PSTPIP2: variants seen among roughly 807,000 people sequenced by gnomAD.
The protein encoded by PSTPIP2 is proline-serine-threonine phosphatase-interacting protein 2.
A neutral mutation model predicts 63.3 loss-of-function variants in PSTPIP2; 33 were observed. The observed-to-expected ratio is 0.52, with a 90% CI of 0.40 to 0.70. PSTPIP2 has a LOEUF of 0.70. Among genes scored for constraint, PSTPIP2 ranks in the 30% least tolerant of loss-of-function variants. The pLI, the probability that PSTPIP2 is intolerant of heterozygous loss-of-function variation, is 0.00. For synonymous variants in PSTPIP2, 125 were observed against 132.7 expected, an observed-to-expected ratio of 0.94 and a Z score of 0.40; for missense variants, 312 against 400.7, an observed-to-expected ratio of 0.78 and a Z score of 1.89.
At chr18:46,028,470 T>C in intron 2 of PSTPIP2, 1 of 606,352 alleles carries the variant, frequency 1.6e-6, no homozygotes, top group Non-Finnish European at 3.2e-6. Context: ...GGCCGTGGAG[T>C]GGTGCCTGGA....
chr18:45,991,512 C>T (rs780698218), intron 12 of PSTPIP2, among the ~76,000 whole-genome samples: 20 of 152,160 alleles, frequency 1.3e-4, no homozygotes, highest in Non-Finnish European at 2.5e-4. Context: ...TGTCACAAAA[C>T]AGTATTGTCT....
At chr18:46,024,544 T>A in intron 3 of PSTPIP2, 65 bp downstream of exon 3, 1 of 1,399,934 alleles carries the variant, frequency 7.1e-7, no homozygotes, top group South Asian at 1.2e-5. Flanking sequence ...CTCTGTCTGC[T>A]GAAGCGAGGG....
At chr18:46,065,438 C>A (rs1371801074) in intron 1 of PSTPIP2, among the ~76,000 whole-genome samples, 1 of 151,758 alleles carries the variant, frequency 6.6e-6, no homozygotes, top group Non-Finnish European at 1.5e-5. Context: ...TACAAGTGCC[C>A]ACCACCATGC....
intron 9 of PSTPIP2, among the ~76,000 whole-genome samples, 176 bp downstream of exon 9, chr18:45,997,573 G>A (rs1196864993): frequency 6.7e-6 from 1 of 150,162 alleles, no homozygotes; most frequent in African/African-American, 2.5e-5. Context: ...GACTCTCCAG[G>A]TTCTGGGCAG....
intron 2 of PSTPIP2, 41 bp downstream of exon 2, chr18:46,039,906 C>T (rs1321842058): frequency 1.3e-6 from 2 of 1,532,108 alleles, no homozygotes; most frequent in South Asian, 2.2e-5. Flanking sequence ...GTGGAGACAT[C>T]TTGGCCCACC....
chr18:46,064,908 G>C (rs1188656212), intron 1 of PSTPIP2, among the ~76,000 whole-genome samples: 3 of 151,918 alleles, frequency 2.0e-5, no homozygotes, highest in Non-Finnish European at 4.4e-5. Flanking sequence ...ACTTTGGGAG[G>C]CTGAGACAGG....
intron 1 of PSTPIP2, among the ~76,000 whole-genome samples, chr18:46,052,209 T>C (rs957165812): frequency 6.6e-6 from 1 of 152,248 alleles, no homozygotes; most frequent in Admixed American, 6.5e-5. Context: ...GAACTTGAAC[T>C]AGGTCAAACC....
At chr18:46,015,559 G>A (rs189349297) in intron 4 of PSTPIP2, among the ~76,000 whole-genome samples, 13 of 152,256 alleles carry the variant, frequency 8.5e-5, no homozygotes, top group Admixed American at 3.9e-4. Flanking sequence ...TTGGGAACAC[G>A]AGAGACATGC....
chr18:46,017,436 GT>G (rs2051864261), intron 3 of PSTPIP2, among the ~76,000 whole-genome samples: 1 of 152,020 alleles, frequency 6.6e-6, no homozygotes, highest in African/African-American at 2.4e-5. Flanking sequence ...AAGATTAATG[GT>G]TCCCATCAAT....
Position 46,070,912 on chromosome 18 carries a change from C to A in PSTPIP2, c.33+1244G>T, listed in dbSNP as rs147434336. ...TTCCTTATTTCTGGGGCCCACATCT[C>A]ATTCTCCAGTTTGTATTATACAGAG... On this transcript the variant is annotated intron_variant, in intron 1 of 14. Transcript: ENST00000409746. Among the ~76,000 whole-genome samples the A allele has an allele frequency of 4.6e-5, 7 of 152,288 alleles. No individual in the cohort carries two copies. In the East Asian group the frequency reaches 1.4e-3, roughly 29 times the overall value.
At chr18:46,033,149 A>G (rs2144104400) in intron 2 of PSTPIP2, among the ~76,000 whole-genome samples, 1 of 152,362 alleles carries the variant, frequency 6.6e-6, no homozygotes, top group African/African-American at 2.4e-5. Context: ...CTGGCCAGTG[A>G]GGAAGCCAGG....
At chr18:45,997,951 C>T (rs1375135702) in intron 8 of PSTPIP2, 123 bp from the exon 9 acceptor site, 5 of 785,686 alleles carry the variant, frequency 6.4e-6, no homozygotes, top group Non-Finnish European at 1.1e-5. Flanking sequence ...TTACAAGGCC[C>T]CCAGGACTCT....
At chr18:46,048,935 A>G (rs1318820319) in intron 1 of PSTPIP2, among the ~76,000 whole-genome samples, 1 of 152,068 alleles carries the variant, frequency 6.6e-6, no homozygotes, top group Admixed American at 6.6e-5. Flanking sequence ...TTTAGAAAAT[A>G]CACATTGAAA....
chr18:46,024,772 C>G, intron 2 of PSTPIP2, 86 bp from the exon 3 acceptor site: 2 of 1,021,476 alleles, frequency 2.0e-6, no homozygotes, highest in Non-Finnish European at 3.1e-6. Flanking sequence ...GAAAGCAAAA[C>G]TGCACCTGTG....
At chr18:45,999,949 G>A (rs2051645272) in intron 6 of PSTPIP2, among the ~76,000 whole-genome samples, 1 of 152,138 alleles carries the variant, frequency 6.6e-6, no homozygotes, top group African/African-American at 2.4e-5. Flanking sequence ...ACAAGCCTGG[G>A]CAAAATGAAT....
intron 9 of PSTPIP2, among the ~76,000 whole-genome samples, chr18:45,995,612 G>C (rs546409504): frequency 1.3e-5 from 2 of 152,280 alleles, no homozygotes; most frequent in Admixed American, 1.3e-4. Context: ...ATTAGAAACT[G>C]CAAAGGCCCA....
In PSTPIP2 at chr18:46,038,492, T is replaced by C. The variant is rs528979712; in HGVS notation, c.134+1455A>G. Among the ~76,000 whole-genome samples, 3 of 152,224 alleles carry C rather than the reference T, an allele frequency of 2.0e-5. No homozygotes were observed. In the East Asian group the frequency reaches 5.8e-4, roughly 29 times the overall value. On this transcript the variant is annotated intron_variant, in intron 2 of 14. Transcript: ENST00000409746. ...GGAGGAAATTTATAGAAGCCATAAC[T>C]GGGGGAGGAACAGAAAAAAGCAGTC... is the stretch of plus-strand genomic sequence containing the variant.
At chr18:46,029,482 A>G in intron 2 of PSTPIP2, 1 of 1,011,432 alleles carries the variant, frequency 9.9e-7, no homozygotes, top group South Asian at 1.3e-5. Flanking sequence ...AAGGCAGTTT[A>G]TATGGATTAA....
chr18:46,034,459 C>G (rs1256429757), intron 2 of PSTPIP2, among the ~76,000 whole-genome samples: 1 of 152,162 alleles, frequency 6.6e-6, no homozygotes, highest in Non-Finnish European at 1.5e-5. Context: ...ACTACTTACT[C>G]ATATTGTAAT....
Sources: allele counts gnomAD v4.1 joint callset (sites outside exome capture counted in the v4.1 genomes callset), GRCh38; gene constraint gnomAD v4.1.1; transcripts MANE v1.5; gene names NCBI Gene and HGNC (gene_info 2026-07-23, HGNC 2026-07-21).